ZNF738: variants seen among roughly 807,000 people sequenced by gnomAD.
The protein encoded by ZNF738 is protein ZNF738.
ZNF738 carries 10 observed loss-of-function variants against 9.2 expected under a neutral mutation model. The observed-to-expected ratio is 1.09, with a 90% CI of 0.67 to 1.85. The LOEUF (loss-of-function observed/expected upper bound fraction) is 1.85, where lower values mean the gene tolerates loss of function less well. ZNF738 is among the 40% of genes most tolerant of loss of function. The pLI, the probability that ZNF738 is intolerant of heterozygous loss-of-function variation, is 0.00. For missense variants in ZNF738, 346 were observed against 283.6 expected, an observed-to-expected ratio of 1.22 and a Z score of -1.58; for synonymous variants, 113 against 94.5, an observed-to-expected ratio of 1.20 and a Z score of -1.14.
At chr19:21,366,798 A>G (rs753557721) in intron 2 of ZNF738, among the ~76,000 whole-genome samples, 2 of 152,110 alleles carry the variant, frequency 1.3e-5, no homozygotes, top group Non-Finnish European at 2.9e-5. Context: ...CTCTCATGGC[A>G]CTGGTGGGAG....
At chr19:21,371,769 GTTA>G (rs1402332538) in intron 2 of ZNF738, among the ~76,000 whole-genome samples, 8 of 1,036 alleles carry the variant, frequency 7.7e-3, no homozygotes. Context: ...GGACTGAAGA[GTTA>G]TTATTATTTG....
chr19:21,372,527 T>G (rs1357735228), intron 2 of ZNF738: 1 of 152,188 alleles, frequency 6.6e-6, no homozygotes, highest in East Asian at 1.9e-4. Context: ...AAACTATACA[T>G]TTTAAGATCT....
chr19:21,377,562 A>G (rs1273117969), intron 4 of ZNF738: 1 of 524,584 alleles, frequency 1.9e-6, no homozygotes, highest in Non-Finnish European at 3.4e-6. Context: ...CCAGTTAATA[A>G]ATCTATTATT....
intron 4 of ZNF738, among the ~76,000 whole-genome samples, chr19:21,379,605 A>G (rs945181644): frequency 1.3e-5 from 2 of 152,158 alleles, no homozygotes; most frequent in African/African-American, 4.8e-5. Context: ...TTCTTTCAGC[A>G]CTATATGTCA....
chr19:21,363,995 G>T (rs557994554), intron 2 of ZNF738, among the ~76,000 whole-genome samples: 1 of 151,558 alleles, frequency 6.6e-6, no homozygotes, highest in Non-Finnish European at 1.5e-5. Context: ...TCAGGAGTTC[G>T]AGACCAGCCT....
intron 4 of ZNF738, chr19:21,377,793 C>T: frequency 2.8e-6 from 1 of 356,994 alleles, no homozygotes; most frequent in East Asian, 3.9e-5. Flanking sequence ...CAAATTGGAT[C>T]TTGGTTTTTA....
intron 2 of ZNF738, among the ~76,000 whole-genome samples, chr19:21,367,430 T>C (rs1278163025): frequency 6.6e-6 from 1 of 152,034 alleles, no homozygotes; most frequent in Non-Finnish European, 1.5e-5. Flanking sequence ...GTGAGGACAA[T>C]GTTGTGAGAC....
intron 2 of ZNF738, among the ~76,000 whole-genome samples, chr19:21,367,424 G>C (rs1442035532): frequency 6.6e-6 from 1 of 152,156 alleles, no homozygotes; most frequent in Non-Finnish European, 1.5e-5. Flanking sequence ...TCTGCAGTGA[G>C]GACAATGTTG....
intron 4 of ZNF738, chr19:21,377,479 C>G: frequency 1.4e-6 from 1 of 701,590 alleles, no homozygotes; most frequent in Non-Finnish European, 2.6e-6. Context: ...TATTTGGAAC[C>G]TTAGTGTGAC....
intron 2 of ZNF738, among the ~76,000 whole-genome samples, chr19:21,365,261 T>C (rs1973760490): frequency 6.6e-6 from 1 of 152,136 alleles, no homozygotes; most frequent in Non-Finnish European, 1.5e-5. Context: ...GCAAGCTGTT[T>C]TGCCAGCCAG....
chr19:21,386,403 T>A lies in ZNF738; in HGVS notation c.*2729T>A, dbSNP rs1391445366. 6.5e-6 allele frequency: 2 copies of A among 305,920 alleles called. No homozygotes were observed. The highest frequency in any genetic ancestry group is 4.4e-5 in the African/African-American group (2 of 45,278). The allele number at this position is 305,920 out of a possible 1,614,324, so 19.0% of individuals were successfully genotyped here. On this transcript the variant is annotated 3_prime_UTR_variant, in exon 5 of 5. Coordinates refer to ENST00000683779, the MANE Select transcript of ZNF738 (RefSeq NM_001355237.2). ...TTACTAAACATAAGATAACTCATAC[T>A]GGAGAAAAATCTTAGAAATGTGAAG...
chr19:21,370,153 G>T (rs1225057935), intron 2 of ZNF738, among the ~76,000 whole-genome samples: 1 of 152,072 alleles, frequency 6.6e-6, no homozygotes, highest in East Asian at 1.9e-4. Context: ...TGACTTTGTG[G>T]TTTTTATCTT....
chr19:21,369,007 G>A (rs1277376689), intron 2 of ZNF738, among the ~76,000 whole-genome samples: 1 of 152,068 alleles, frequency 6.6e-6, no homozygotes, highest in Non-Finnish European at 1.5e-5. Flanking sequence ...CAAAGTGTTG[G>A]GATTATAGGC....
intron 2 of ZNF738, among the ~76,000 whole-genome samples, chr19:21,362,901 C>T (rs1275007879): frequency 2.6e-5 from 4 of 152,094 alleles, no homozygotes; most frequent in African/African-American, 7.2e-5. Flanking sequence ...AAAATGAATA[C>T]GTTTCCACAA....
intron 2 of ZNF738, among the ~76,000 whole-genome samples, chr19:21,366,015 G>A (rs1289308560): frequency 3.9e-5 from 6 of 152,098 alleles, no homozygotes; most frequent in Non-Finnish European, 8.8e-5. Flanking sequence ...TACACACAGA[G>A]TACAACTGCA....
intron 2 of ZNF738, among the ~76,000 whole-genome samples, chr19:21,368,014 AG>A (rs1409787814): frequency 3.9e-5 from 6 of 152,250 alleles, no homozygotes; most frequent in African/African-American, 1.2e-4. Context: ...AATAAATCAG[AG>A]TACAGCCCCA....
At chr19:21,378,606 CT>C (rs11352402) in intron 4 of ZNF738, 33,307 of 261,460 alleles carry the variant, frequency 0.13, 1,035 homozygotes, top group Non-Finnish European at 0.17. Context: ...AATAATATCA[CT>C]TTTTTTTTTT....
Position 21,386,815 on chromosome 19 carries a change from A to G in ZNF738, c.*3141A>G, listed in dbSNP as rs965855757. 2.9e-5 allele frequency: 5 copies of G among 169,712 alleles called. No individual in the cohort carries two copies. The highest frequency in any genetic ancestry group is 1.2e-4 in the African/African-American group (5 of 41,656). The allele number at this position is 169,712 out of a possible 1,614,324, so 10.5% of individuals were successfully genotyped here. ...AACCTCCGTCTCCCAGGTTTAAGCA[A>G]TTCTGCCTCAGCCTCCCGAGTAGCT... On this transcript the variant is annotated 3_prime_UTR_variant, in exon 5 of 5. Coordinates refer to ENST00000683779, the MANE Select transcript of ZNF738 (RefSeq NM_001355237.2).
chr19:21,360,031 G>T (rs780643424), intron 1 of ZNF738, among the ~76,000 whole-genome samples: 3 of 152,168 alleles, frequency 2.0e-5, no homozygotes, highest in Non-Finnish European at 4.4e-5. Flanking sequence ...TTTAGTAATT[G>T]GTTAGGTACA....
Sources: allele counts gnomAD v4.1 joint callset (sites outside exome capture counted in the v4.1 genomes callset), GRCh38; gene constraint gnomAD v4.1.1; transcripts MANE v1.5; gene names NCBI Gene and HGNC (gene_info 2026-07-23, HGNC 2026-07-21).